Variants in COPG1 observed in about 807,000 individuals in gnomAD.
COPG1 encodes coat protein complex I subunit gamma 1.
In COPG1, 29 loss-of-function variants were observed where a neutral mutation model predicts 102.8. The ratio of observed to expected loss-of-function variants is 0.28; its 90% CI spans 0.21 to 0.38. The LOEUF (loss-of-function observed/expected upper bound fraction) is 0.38, where lower values mean the gene tolerates loss of function less well. Ranked by LOEUF, COPG1 falls within the 10% of genes least tolerant of loss-of-function variation. The pLI is 1.00. For missense variants in COPG1, 875 were observed against 1,132.7 expected (o/e 0.77, Z 3.27); for synonymous variants, 406 against 421.6 (o/e 0.96, Z 0.45).
intron 1 of COPG1, 61 bp downstream of exon 1, chr3:129,249,807 T>C (rs1576957583): frequency 6.5e-7 from 1 of 1,529,702 alleles, no homozygotes; most frequent in East Asian, 2.5e-5. Flanking sequence ...GCTTTCCTTC[T>C]GGTTCTCTGT....
At chr3:129,272,041 C>G in intron 19 of COPG1, 132 bp downstream of exon 19, 2 of 1,144,084 alleles carry the variant, frequency 1.7e-6, no homozygotes, top group Admixed American at 2.5e-5. Context: ...GAATCTGTCC[C>G]CAACAGGTCG....
At chr3:129,260,215 G>C in intron 10 of COPG1, 118 bp from the exon 11 acceptor site, 1 of 876,874 alleles carries the variant, frequency 1.1e-6, no homozygotes, top group South Asian at 1.5e-5. Flanking sequence ...GGGTTGGGAT[G>C]GGGGTGTCAG....
At chr3:129,254,821 G>A (rs1939772797) in intron 6 of COPG1, 78 bp downstream of exon 6, 1 of 1,389,034 alleles carries the variant, frequency 7.2e-7, no homozygotes, top group African/African-American at 1.4e-5. Flanking sequence ...TCTTTGGGGT[G>A]TCCCCTATCA....
Position 129,268,532 on chromosome 3 carries a change from G to A in COPG1, c.1686G>A (p.Leu562=), listed in dbSNP as rs760291793. The A allele has an allele frequency of 5.6e-6, 9 of 1,614,180 alleles. No individual in the cohort carries two copies. Among genetic ancestry groups the A allele is most frequent in the Non-Finnish European group, 4.2e-6 (5 of 1,179,998 alleles). ...TVSIPGLERA[L]QQYTLEPSEK... is the part of the protein sequence containing the mutation. ...CCATCCCTGGTCTGGAGAGGGCTCT[G>A]CAGCAGTACACTCTAGAACCATCAG... The change falls in exon 17 of 24, where the codon CTG becomes CTA. Residue 562 remains leucine (L), a synonymous_variant. Transcript: ENST00000314797.
chr3:129,255,561 C>T (rs908713291), intron 7 of COPG1, among the ~76,000 whole-genome samples: 3 of 151,526 alleles, frequency 2.0e-5, no homozygotes, highest in African/African-American at 4.9e-5. Flanking sequence ...CAGCTCACTG[C>T]AACCTCTGCC....
At chr3:129,253,100 A>G (rs1939734586) in intron 5 of COPG1, 145 bp downstream of exon 5, 2 of 628,522 alleles carry the variant, frequency 3.2e-6, no homozygotes, top group South Asian at 3.8e-5. Flanking sequence ...TGCCCACCCC[A>G]TGGCAGCCTC....
intron 6 of COPG1, 103 bp downstream of exon 6, chr3:129,254,846 G>T: frequency 8.2e-7 from 1 of 1,220,900 alleles, no homozygotes. Context: ...GCCAGGTGAT[G>T]TGGGGTGGAG....
chr3:129,276,892 C>G (rs535257445), intron 23 of COPG1, among the ~76,000 whole-genome samples: 3 of 144,150 alleles, frequency 2.1e-5, no homozygotes, highest in Non-Finnish European at 4.5e-5. Flanking sequence ...GGCACAATCT[C>G]TGCTCGCTGC....
At position 129,275,196 on chromosome 3, in the gene COPG1, G is replaced by C; in HGVS notation, c.2398G>C (p.Ala800Pro). 6.2e-7 allele frequency: 1 copy of C among 1,613,634 alleles called. No homozygotes were observed. Among genetic ancestry groups the C allele is most frequent in the Non-Finnish European group, 8.5e-7 (1 of 1,179,572 alleles). ...TLSTIKTLEE[A>P]VGNIVKFLGM... Reference sequence around the variant, plus strand: ...AATATTGGGATTTCTCATTACAGAGGCTGTGGGTAATATTGTGAAGTTCTT... The same window carrying C: ...AATATTGGGATTTCTCATTACAGAGCCTGTGGGTAATATTGTGAAGTTCTT... The change falls in exon 23 of 24, where the codon GCT (alanine) becomes CCT (proline). Residue 800 changes from alanine (A) to proline (P), a missense_variant and splice_region_variant. Ala to Pro is a conservative substitution (Grantham distance 27, BLOSUM62 -1). Coordinates refer to ENST00000314797, the MANE Select transcript of COPG1 (RefSeq NM_016128.4). This position sits in a 1 kb window ranked among gnomAD's most constrained non-coding sequence, Gnocchi z 5.0.
rs1055794195 is a variant in COPG1, at chr3:129,249,707, A to G, written c.-3A>G. On this transcript the variant is annotated 5_prime_UTR_variant, in exon 1 of 24. Coordinates refer to ENST00000314797, the MANE Select transcript of COPG1 (RefSeq NM_016128.4). ...TGCTGCATTGCGCCCCACCGACTCC[A>G]CTATGTTGAAGAAATTCGACAAGAA... 11 of 1,551,402 alleles carry G rather than the reference A, an allele frequency of 7.1e-6. No homozygotes were observed. In the Admixed American group the frequency reaches 1.6e-4, roughly 22 times the overall value.
In COPG1 at chr3:129,277,368, ACAGC is replaced by A; in HGVS notation, c.2573_2576del (p.Ala858GlufsTer8). On this transcript the variant is annotated frameshift_variant, in exon 24 of 24. Transcript: ENST00000314797. LOFTEE classifies it high-confidence loss of function. The stretch of plus-strand genomic sequence containing the variant: ...TTTGGACACAGTGACAATGCAGGTG[ACAGC>A]CAGAAGTTTGGAGGAGCTGCCAGTA... 1 of 1,614,028 alleles carries A rather than the reference ACAGC, an allele frequency of 6.2e-7. No homozygotes were observed. Among genetic ancestry groups the A allele is most frequent in the Non-Finnish European group, 8.5e-7 (1 of 1,179,986 alleles).
Position 129,268,506 on chromosome 3 carries a change from T to C in COPG1, c.1660T>C (p.Ser554Pro). 1 of 1,614,188 alleles carries C rather than the reference T, an allele frequency of 6.2e-7. No individual in the cohort carries two copies. Among genetic ancestry groups the C allele is most frequent in the Non-Finnish European group, 8.5e-7 (1 of 1,180,012 alleles). The change falls in exon 17 of 24, where the codon TCC becomes CCC. Residue 554 changes from serine (S) to proline (P), a missense_variant. By Grantham distance (74) the Ser-to-Pro change is moderately conservative (BLOSUM62 -1). Transcript: ENST00000314797. ...CTCTTCACCTCCAGGTCTGACTGTG[T>C]CCATCCCTGGTCTGGAGAGGGCTCT... ...AGYILNGLTV[S>P]IPGLERALQQ...
rs552480158 is a variant in COPG1 at position 129,271,438 on chromosome 3, G to A, written c.1844-329G>A. Among the ~76,000 whole-genome samples, 3 of 152,262 alleles carry A rather than the reference G, an allele frequency of 2.0e-5. No homozygotes were observed. In the South Asian group the frequency reaches 6.2e-4, roughly 32 times the overall value. On this transcript the variant is annotated intron_variant, in intron 18 of 23. Coordinates refer to ENST00000314797, the MANE Select transcript of COPG1 (RefSeq NM_016128.4). The surrounding 1 kb of genome is among the most constrained non-coding windows in gnomAD (Gnocchi z 4.7). ...AGAATCCTTGCTGCGGTAGGGGGCG[G>A]AAATCCTTGCTAAGCTTCTATAGCT...
chr3:129,257,858 C>T lies in COPG1; in HGVS notation c.869C>T (p.Ser290Leu). 2 of 1,612,960 alleles carry T rather than the reference C, an allele frequency of 1.2e-6. No homozygotes were observed. The highest frequency in any genetic ancestry group is 1.7e-6 in the Non-Finnish European group (2 of 1,179,846). ...CSAKELAPAVSVLQLFCSSPK... is the reference protein window; with the variant it reads ...CSAKELAPAVLVLQLFCSSPK... Reference sequence around the variant, plus strand: ...GCCAAAGAGCTGGCCCCGGCTGTGTCAGGTCACTGGGCATTCCTTCACCCA... The same window carrying T: ...GCCAAAGAGCTGGCCCCGGCTGTGTTAGGTCACTGGGCATTCCTTCACCCA... Residue 290 changes from serine (S) to leucine (L), a missense_variant and splice_region_variant, in exon 10 of 24, where the codon TCA (serine) becomes TTA (leucine). Transcript: ENST00000314797.
In COPG1 at chr3:129,275,971, TACACACACACACACAC is replaced by T. The variant is rs59294610; in HGVS notation, c.2494+691_2494+706del. Among the ~76,000 whole-genome samples, 24 of 149,394 alleles carry T rather than the reference TACACACACACACACAC, an allele frequency of 1.6e-4. No homozygotes were observed. The highest frequency in any genetic ancestry group is 5.8e-4 in the African/African-American group (24 of 41,126). ...ACAGATGTTACAGTAAATAATCGTG[TACACACACACACACAC>T]ACACACACACAGTTTACTTTGCATG... On this transcript the variant is annotated intron_variant, in intron 23 of 23. Coordinates refer to ENST00000314797, the MANE Select transcript of COPG1 (RefSeq NM_016128.4). This position sits in a 1 kb window ranked among gnomAD's most constrained non-coding sequence, Gnocchi z 5.0.
chr3:129,255,174 T>A, intron 7 of COPG1, 97 bp downstream of exon 7: 1 of 793,796 alleles, frequency 1.3e-6, no homozygotes, highest in Non-Finnish European at 2.0e-6. Flanking sequence ...AGTGTTTCTT[T>A]CTTTCTTTTT....
At chr3:129,277,111 C>T (rs992498117) in intron 23 of COPG1, among the ~76,000 whole-genome samples, 183 bp from the exon 24 acceptor site, 3 of 151,732 alleles carry the variant, frequency 2.0e-5, no homozygotes, top group Admixed American at 6.6e-5. Flanking sequence ...CGTGAGCCAC[C>T]GCGCCTGGCT....
At position 129,273,189 on chromosome 3, in the gene COPG1, A is replaced by AT. The variant is rs1450574196; in HGVS notation, c.2256+291dup. On this transcript the variant is annotated intron_variant, in intron 21 of 23. Coordinates refer to ENST00000314797, the MANE Select transcript of COPG1 (RefSeq NM_016128.4). ...AGGCGCCCACCACCATGCCTGCCAA[A>AT]TTTTTTGTATTTTTGGTAGAGATAG... Among the ~76,000 whole-genome samples, 3 of 151,930 alleles carry AT rather than the reference A, an allele frequency of 2.0e-5. No homozygotes were observed. In the South Asian group the frequency reaches 6.2e-4, roughly 32 times the overall value.
intron 21 of COPG1, 109 bp from the exon 22 acceptor site, chr3:129,274,729 C>T (rs902517884): frequency 3.5e-5 from 46 of 1,307,182 alleles, no homozygotes; most frequent in Non-Finnish European, 4.8e-5. Flanking sequence ...TCCTCAGTGC[C>T]GAGCAAGCAC....
Sources: allele counts gnomAD v4.1 joint callset (sites outside exome capture counted in the v4.1 genomes callset), GRCh38; gene constraint gnomAD v4.1.1; non-coding constraint Gnocchi (gnomAD v3.1); transcripts MANE v1.5; gene names NCBI Gene and HGNC (gene_info 2026-07-23, HGNC 2026-07-21).